RCAN2: variants seen among roughly 807,000 people sequenced by gnomAD.
RCAN2 encodes calcipressin-2.
In RCAN2, 9 loss-of-function variants were observed where a neutral mutation model predicts 23.6. The observed-to-expected ratio is 0.38, with a 90% CI of 0.23 to 0.67. The LOEUF (loss-of-function observed/expected upper bound fraction) is 0.67, where lower values mean the gene tolerates loss of function less well. Ranked by LOEUF, RCAN2 falls within the 30% of genes least tolerant of loss-of-function variation. The probability of loss-of-function intolerance (pLI) is 0.51; values close to 1 mark genes in which losing one functional copy is unlikely to be tolerated. For missense variants in RCAN2, 273 were observed against 302.3 expected (o/e 0.90, Z 0.72); for synonymous variants, 109 against 115.7 (o/e 0.94, Z 0.37).
At chr6:46,257,208 TA>T (rs1487639721) in intron 2 of RCAN2, among the ~76,000 whole-genome samples, 4 of 152,200 alleles carry the variant, frequency 2.6e-5, no homozygotes, top group Non-Finnish European at 5.9e-5. Flanking sequence ...TTGGTCAATA[TA>T]AAAAAGTATT....
intron 2 of RCAN2, among the ~76,000 whole-genome samples, chr6:46,415,280 G>A (rs951437680): frequency 3.9e-5 from 6 of 152,114 alleles, no homozygotes; most frequent in African/African-American, 4.8e-5. Flanking sequence ...GAATCAAGAC[G>A]CTTAAAATCA....
intron 2 of RCAN2, among the ~76,000 whole-genome samples, chr6:46,394,609 C>G (rs1023032351): frequency 2.0e-5 from 3 of 152,128 alleles, no homozygotes; most frequent in African/African-American, 7.2e-5. Flanking sequence ...TAAATTTTCT[C>G]TATAAAAAGT....
intron 2 of RCAN2, among the ~76,000 whole-genome samples, chr6:46,321,862 C>T (rs151112057): frequency 5.4e-4 from 83 of 152,336 alleles, no homozygotes; most frequent in African/African-American, 1.9e-3. Context: ...TACATCAAGT[C>T]TTAGCTGGGG....
At chr6:46,475,357 T>G (rs1768683351) in intron 1 of RCAN2, among the ~76,000 whole-genome samples, 1 of 152,180 alleles carries the variant, frequency 6.6e-6, no homozygotes, top group South Asian at 2.1e-4. Flanking sequence ...AATTCCATTT[T>G]TTAACTTCAG....
At chr6:46,490,401 A>G (rs1318543604) in intron 1 of RCAN2, among the ~76,000 whole-genome samples, 1 of 152,234 alleles carries the variant, frequency 6.6e-6, no homozygotes, top group African/African-American at 2.4e-5. Flanking sequence ...ATTCTGCTAT[A>G]ATTCATTTTG....
intron 4 of RCAN2, among the ~76,000 whole-genome samples, chr6:46,230,136 G>T (rs1765827798): frequency 6.6e-6 from 1 of 152,154 alleles, no homozygotes; most frequent in Non-Finnish European, 1.5e-5. Flanking sequence ...CCTTCCTCTG[G>T]AAGCTTCGTC....
intron 2 of RCAN2, among the ~76,000 whole-genome samples, chr6:46,361,795 T>C (rs1053659882): frequency 1.3e-5 from 2 of 152,280 alleles, no homozygotes; most frequent in Non-Finnish European, 2.9e-5. Context: ...AGGTTTTATT[T>C]TAGAGATTAA....
intron 2 of RCAN2, among the ~76,000 whole-genome samples, chr6:46,371,908 G>A (rs1296591576): frequency 6.6e-6 from 1 of 152,176 alleles, no homozygotes. Context: ...TAACATTTTA[G>A]TCTGACATGG....
At chr6:46,434,870 T>C (rs772875850) in intron 2 of RCAN2, among the ~76,000 whole-genome samples, 2 of 152,114 alleles carry the variant, frequency 1.3e-5, no homozygotes, top group Admixed American at 6.6e-5. Flanking sequence ...CTACTAAACA[T>C]CCTACATGGC....
At chr6:46,267,371 A>G (rs2150330797) in intron 2 of RCAN2, among the ~76,000 whole-genome samples, 1 of 152,288 alleles carries the variant, frequency 6.6e-6, no homozygotes, top group African/African-American at 2.4e-5. Context: ...AACTTTACCT[A>G]AGTTTATCAG....
chr6:46,279,885 CA>C (rs2150338207), intron 2 of RCAN2, among the ~76,000 whole-genome samples: 1 of 152,168 alleles, frequency 6.6e-6, no homozygotes, highest in African/African-American at 2.4e-5. Context: ...AGTAACTCCC[CA>C]AAAAAGGGTT....
intron 4 of RCAN2, among the ~76,000 whole-genome samples, chr6:46,243,793 G>A (rs184134329): frequency 1.5e-5 from 2 of 129,870 alleles, no homozygotes; most frequent in African/African-American, 5.9e-5. Flanking sequence ...CTGGGTGACA[G>A]GGTAAGATTC....
chr6:46,476,522 T>C (rs1027304640), intron 1 of RCAN2, among the ~76,000 whole-genome samples: 3 of 152,212 alleles, frequency 2.0e-5, no homozygotes, highest in African/African-American at 7.2e-5. Flanking sequence ...GTGCCAGCCC[T>C]CTTAGATAGA....
chr6:46,463,614 A>G (rs1449348985), intron 1 of RCAN2, among the ~76,000 whole-genome samples: 1 of 152,174 alleles, frequency 6.6e-6, no homozygotes, highest in East Asian at 1.9e-4. Context: ...AAGAAAAGAG[A>G]CATCTGTTTA....
intron 2 of RCAN2, among the ~76,000 whole-genome samples, chr6:46,259,702 C>G (rs1767046966): frequency 6.6e-6 from 1 of 152,176 alleles, no homozygotes; most frequent in South Asian, 2.1e-4. Flanking sequence ...GCTCAGTACT[C>G]CAAGACTGCC....
Position 46,442,870 on chromosome 6 carries a change from C to T in RCAN2, c.225+13882G>A, listed in dbSNP as rs528295805. 6.6e-5 allele frequency among the ~76,000 whole-genome samples: 10 copies of T among 152,198 alleles called. No individual in the cohort carries two copies. In the South Asian group the frequency reaches 2.1e-3, roughly 32 times the overall value. On this transcript the variant is annotated intron_variant, in intron 2 of 4. Transcript: ENST00000371374. ...GTGGAGAAGCAAGATACTAAATATGCCTCTGGAATATTTTAGTCACTTTAA... is the reference window on the plus strand; with the variant it reads ...GTGGAGAAGCAAGATACTAAATATGTCTCTGGAATATTTTAGTCACTTTAA...
In RCAN2 at chr6:46,488,181, T is replaced by A. The variant is rs138869426; in HGVS notation, c.-3+2992A>T. Among the ~76,000 whole-genome samples, 165 of 152,350 alleles carry A rather than the reference T, an allele frequency of 1.1e-3. 1 individual carries two copies. The highest frequency in any genetic ancestry group is 3.4e-3 in the Middle Eastern group (1 of 294). ...ATTATTTTAATGCTATTAATTCACA[T>A]TGGTAATTCAGAATGCTGGTCAGAG... On this transcript the variant is annotated intron_variant, in intron 1 of 4. Coordinates refer to ENST00000371374, the MANE Select transcript of RCAN2 (RefSeq NM_001251974.2).
At chr6:46,485,078 C>G in intron 1 of RCAN2, among the ~76,000 whole-genome samples, 1 of 152,150 alleles carries the variant, frequency 6.6e-6, no homozygotes, top group East Asian at 1.9e-4. Flanking sequence ...CCAATAGTCC[C>G]ACTTCTAACA....
intron 2 of RCAN2, among the ~76,000 whole-genome samples, chr6:46,444,274 T>C (rs1238685242): frequency 6.6e-6 from 1 of 152,010 alleles, no homozygotes; most frequent in Non-Finnish European, 1.5e-5. Flanking sequence ...GAGCAGACCA[T>C]TAGTGAGGAG....
Sources: gnomAD v4.1 joint callset for allele counts (sites outside exome capture counted in the v4.1 genomes callset) on GRCh38, gnomAD v4.1.1 for gene constraint, MANE v1.5 for transcripts, NCBI Gene and HGNC (gene_info 2026-07-23, HGNC 2026-07-21) for gene names.